Variants in NYAP2 observed in about 807,000 individuals in gnomAD.
NYAP2 encodes the protein neuronal tyrosine-phosphorylated phosphoinositide-3-kinase adapter 2.
Under a neutral mutation model 50.4 loss-of-function variants are expected in NYAP2, and 23 were observed. That is an observed-to-expected ratio of 0.46 (90% confidence interval 0.33 to 0.65). NYAP2 has a LOEUF of 0.65. Ranked by LOEUF, NYAP2 falls within the 30% of genes least tolerant of loss-of-function variation. The pLI, the probability that NYAP2 is intolerant of heterozygous loss-of-function variation, is 0.02. For synonymous variants in NYAP2, 394 were observed against 365.2 expected (o/e 1.08, Z -0.90); for missense variants, 885 against 861.0 (o/e 1.03, Z -0.35).
intron 6 of NYAP2, among the ~76,000 whole-genome samples, chr2:225,630,433 A>C (rs1693286257): frequency 6.6e-6 from 1 of 152,314 alleles, no homozygotes; most frequent in African/African-American, 2.4e-5. Context: ...CTGATGGACT[A>C]CACAGTTCTG....
At chr2:225,415,912 C>A (rs990329802) in intron 3 of NYAP2, among the ~76,000 whole-genome samples, 1 of 152,002 alleles carries the variant, frequency 6.6e-6, no homozygotes, top group African/African-American at 2.4e-5. Context: ...ATCCTCCTAT[C>A]TAGAATTAAA....
intron 3 of NYAP2, among the ~76,000 whole-genome samples, chr2:225,429,565 A>C (rs529555137): frequency 6.6e-6 from 1 of 152,368 alleles, no homozygotes; most frequent in Admixed American, 6.5e-5. Context: ...CTGTAAAATG[A>C]AACTTTTTTG....
At chr2:225,587,493 A>G (rs1180790836) in intron 5 of NYAP2, among the ~76,000 whole-genome samples, 1 of 152,172 alleles carries the variant, frequency 6.6e-6, no homozygotes, top group Non-Finnish European at 1.5e-5. Flanking sequence ...AGAGGCGCAC[A>G]GAAAGGGATT....
chr2:225,525,608 A>G (rs1252227328), intron 4 of NYAP2, among the ~76,000 whole-genome samples: 3 of 152,262 alleles, frequency 2.0e-5, no homozygotes, highest in South Asian at 2.1e-4. Flanking sequence ...AATAGACAAC[A>G]TTGGAGACTC....
exon 7 of NYAP2, chr2:225,653,190 G>A (rs934262293): frequency 6.6e-6 from 1 of 152,190 alleles, no homozygotes; most frequent in Non-Finnish European, 1.5e-5. Context: ...GAGAAGTTTA[G>A]CTAATTGGCA....
chr2:225,436,710 C>A (rs1375932175), intron 3 of NYAP2, among the ~76,000 whole-genome samples: 1 of 148,676 alleles, frequency 6.7e-6, no homozygotes, highest in Non-Finnish European at 1.5e-5. Context: ...ACTCTCTAAC[C>A]TAACTCTGAT....
At chr2:225,555,400 GTTT>G (rs959016372) in intron 4 of NYAP2, among the ~76,000 whole-genome samples, 28 of 151,718 alleles carry the variant, frequency 1.8e-4, no homozygotes, top group Admixed American at 1.4e-3. Flanking sequence ...TCCTAAGACT[GTTT>G]TTTTTAGAGT....
intron 5 of NYAP2, among the ~76,000 whole-genome samples, chr2:225,611,139 G>T (rs927324480): frequency 6.6e-6 from 1 of 151,882 alleles, no homozygotes; most frequent in African/African-American, 2.4e-5. Context: ...GTAGACTATG[G>T]GATCTACATT....
At chr2:225,510,132 G>T (rs1216134213) in intron 3 of NYAP2, among the ~76,000 whole-genome samples, 9 of 152,208 alleles carry the variant, frequency 5.9e-5, no homozygotes, top group Admixed American at 2.6e-4. Flanking sequence ...CACAGTTGAT[G>T]TGCATTCATA....
At chr2:225,405,177 A>G (rs992244225) in intron 2 of NYAP2, among the ~76,000 whole-genome samples, 3 of 151,996 alleles carry the variant, frequency 2.0e-5, no homozygotes, top group Admixed American at 2.0e-4. Flanking sequence ...ACTCAATTAA[A>G]AGGGATGCCT....
intron 3 of NYAP2, among the ~76,000 whole-genome samples, chr2:225,409,667 G>A (rs2106119583): frequency 6.6e-6 from 1 of 152,212 alleles, no homozygotes; most frequent in East Asian, 1.9e-4. Context: ...CTTTTATGAT[G>A]CAAAACCTAC....
At chr2:225,674,265 T>TG in the NYAP2 span, among the ~76,000 whole-genome samples, 1 of 152,064 alleles carries the variant, frequency 6.6e-6, no homozygotes, top group East Asian at 1.9e-4. Context: ...TATTTGGAGT[T>TG]GGGGGTTAAA....
At chr2:225,425,778 T>C (rs1695278162) in intron 3 of NYAP2, among the ~76,000 whole-genome samples, 1 of 152,218 alleles carries the variant, frequency 6.6e-6, no homozygotes, top group South Asian at 2.1e-4. Flanking sequence ...TTTATTATAA[T>C]AGATTTTAGC....
At chr2:225,668,319 C>A in the NYAP2 span, among the ~76,000 whole-genome samples, 1 of 152,218 alleles carries the variant, frequency 6.6e-6, no homozygotes, top group East Asian at 1.9e-4. Flanking sequence ...AGTCACACAG[C>A]AGATGACATC....
chr2:225,421,574 C>T (rs1019055719), intron 3 of NYAP2, among the ~76,000 whole-genome samples: 4 of 152,178 alleles, frequency 2.6e-5, no homozygotes, highest in Non-Finnish European at 4.4e-5. Context: ...TTATCCTCCT[C>T]CTATACCAGG....
the NYAP2 span, among the ~76,000 whole-genome samples, chr2:225,661,665 T>C: frequency 6.6e-6 from 1 of 152,124 alleles, no homozygotes; most frequent in Non-Finnish European, 1.5e-5. Context: ...GTTCTATCTA[T>C]CAAACCCCTG....
chr2:225,545,119 C>G (rs758969791), intron 4 of NYAP2, among the ~76,000 whole-genome samples: 1 of 152,112 alleles, frequency 6.6e-6, no homozygotes, highest in Non-Finnish European at 1.5e-5. Context: ...AGAATCCTTT[C>G]TTTATCCTTG....
chr2:225,669,521 T>C, the NYAP2 span, among the ~76,000 whole-genome samples: 2 of 152,128 alleles, frequency 1.3e-5, no homozygotes, highest in Non-Finnish European at 2.9e-5. Context: ...ACAACTTATT[T>C]TTCTTGATTA....
intron 3 of NYAP2, among the ~76,000 whole-genome samples, chr2:225,512,858 TTCCTTCCTTC>T (rs1559200593): frequency 0.015 from 1,560 of 102,130 alleles, 33 homozygotes; most frequent in East Asian, 0.091. Flanking sequence ...TCTTTCTTCC[TTCCTTCCTTC>T]CTTCCTTCCT....
Sources: gnomAD v4.1 joint callset for allele counts (sites outside exome capture counted in the v4.1 genomes callset) on GRCh38, gnomAD v4.1.1 for gene constraint, MANE v1.5 for transcripts, NCBI Gene and HGNC (gene_info 2026-07-23, HGNC 2026-07-21) for gene names.